Variants in ATP10B observed in about 807,000 individuals in gnomAD.
ATP10B encodes the protein ATPase phospholipid transporting 10B (putative).
A neutral mutation model predicts 141.2 loss-of-function variants in ATP10B; 122 were observed. That is an observed-to-expected ratio of 0.86 (90% CI 0.75 to 1.00). The LOEUF is 1.00. Ranked by LOEUF, ATP10B falls within the 50% of genes least tolerant of loss-of-function variation. The pLI is 0.00. For missense variants in ATP10B, 1,876 were observed against 1,825.3 expected, an observed-to-expected ratio of 1.03 and a Z score of -0.51; for synonymous variants, 685 against 692.0, an observed-to-expected ratio of 0.99 and a Z score of 0.16.
At chr5:160,797,763 A>G (rs957112128) in intron 1 of ATP10B, among the ~76,000 whole-genome samples, 7 of 152,048 alleles carry the variant, frequency 4.6e-5, no homozygotes, top group Non-Finnish European at 1.0e-4. Context: ...AGAGAGAGAG[A>G]AAGCATTAAC....
intron 2 of ATP10B, among the ~76,000 whole-genome samples, chr5:160,770,592 G>C (rs964782116): frequency 1.3e-5 from 2 of 152,068 alleles, no homozygotes; most frequent in Non-Finnish European, 2.9e-5. Context: ...TTTAAAAGTG[G>C]CTTTTCACAT....
intron 1 of ATP10B, among the ~76,000 whole-genome samples, chr5:160,837,622 T>G (rs1561911165): frequency 3.7e-5 from 2 of 54,312 alleles, no homozygotes; most frequent in African/African-American, 8.2e-5. Context: ...AAAATATCAT[T>G]TGTTGTAGTT....
chr5:160,737,864 A>G (rs987940069), intron 2 of ATP10B, among the ~76,000 whole-genome samples: 1 of 152,194 alleles, frequency 6.6e-6, no homozygotes, highest in Non-Finnish European at 1.5e-5. Flanking sequence ...TCCCAGAATT[A>G]TAGTTGGATA....
chr5:160,672,104 G>A (rs1762747070), intron 6 of ATP10B, among the ~76,000 whole-genome samples: 1 of 149,924 alleles, frequency 6.7e-6, no homozygotes. Flanking sequence ...AGCCTCCTGA[G>A]TAGCTGGGAT....
the ATP10B span, among the ~76,000 whole-genome samples, chr5:160,881,601 A>T: frequency 3.3e-5 from 5 of 152,112 alleles, no homozygotes; most frequent in Non-Finnish European, 7.4e-5. Flanking sequence ...TCACGAGGTC[A>T]GGAGATCTAG....
intron 1 of ATP10B, among the ~76,000 whole-genome samples, chr5:160,818,992 C>A (rs942758269): frequency 4.6e-5 from 7 of 151,966 alleles, no homozygotes; most frequent in Admixed American, 4.6e-4. Flanking sequence ...CACACCAGGG[C>A]CTGTTGCTGG....
At chr5:160,768,066 A>G (rs1486168833) in intron 2 of ATP10B, among the ~76,000 whole-genome samples, 1 of 152,000 alleles carries the variant, frequency 6.6e-6, no homozygotes, top group Non-Finnish European at 1.5e-5. Flanking sequence ...CTCCTTCCCG[A>G]GGTAGGTAGT....
chr5:160,761,407 TTCGCCAGCACCAGCCTAC>T (rs1261576964), intron 2 of ATP10B, among the ~76,000 whole-genome samples: 1 of 151,710 alleles, frequency 6.6e-6, no homozygotes, highest in African/African-American at 2.4e-5. Context: ...CCAGCCTACA[TTCGCCAGCACCAGCCTAC>T]ATTCCCCAGC....
At chr5:160,828,564 C>T (rs1203344618) in intron 1 of ATP10B, among the ~76,000 whole-genome samples, 14 of 151,640 alleles carry the variant, frequency 9.2e-5, no homozygotes, top group Admixed American at 6.6e-5. Flanking sequence ...ACAACAGGTG[C>T]TGGAGAGGAT....
At chr5:160,690,422 C>T (rs1305397397) in intron 3 of ATP10B, among the ~76,000 whole-genome samples, 5 of 152,128 alleles carry the variant, frequency 3.3e-5, no homozygotes, top group South Asian at 4.1e-4. Flanking sequence ...AACAGGAAAC[C>T]TACAGAATGG....
chr5:160,599,334 C>A (rs1024997241), intron 21 of ATP10B, among the ~76,000 whole-genome samples: 1 of 152,102 alleles, frequency 6.6e-6, no homozygotes, highest in Non-Finnish European at 1.5e-5. Context: ...TTTCTAGGAA[C>A]CTATTGAGGA....
At chr5:160,697,695 A>G (rs1764452983) in intron 3 of ATP10B, among the ~76,000 whole-genome samples, 1 of 152,162 alleles carries the variant, frequency 6.6e-6, no homozygotes, top group Admixed American at 6.6e-5. Context: ...CTAAAATAAA[A>G]TTAATGAAAG....
At chr5:160,610,968 G>T (rs572840078) in intron 18 of ATP10B, among the ~76,000 whole-genome samples, 1 of 152,216 alleles carries the variant, frequency 6.6e-6, no homozygotes, top group African/African-American at 2.4e-5. Flanking sequence ...AGTGAATTAG[G>T]CAAATTAAAA....
chr5:160,633,416 C>G (rs539066663), intron 12 of ATP10B: 7 of 152,132 alleles, frequency 4.6e-5, no homozygotes, highest in Non-Finnish European at 8.8e-5. Flanking sequence ...TGCAGGGACA[C>G]AGATGAACAG....
chr5:160,921,398 G>T, the ATP10B span, among the ~76,000 whole-genome samples: 1 of 151,544 alleles, frequency 6.6e-6, no homozygotes, highest in African/African-American at 2.4e-5. Flanking sequence ...ATTTTTAAGT[G>T]TACAGTTTGT....
chr5:160,660,835 T>C (rs1044980166), intron 7 of ATP10B, among the ~76,000 whole-genome samples: 9 of 152,120 alleles, frequency 5.9e-5, no homozygotes, highest in Non-Finnish European at 1.3e-4. Flanking sequence ...TGTAAAAGTA[T>C]AGCGGTCAGA....
At position 160,749,952 on chromosome 5, in the gene ATP10B, C is replaced by T. The variant is rs573342688; in HGVS notation, c.-330-32918G>A. ...CGAATGAGAATGTTGAACTCCACAA[C>T]AGCTAAGTTCCTGGTGCGATTACCA... On this transcript the variant is annotated intron_variant, in intron 2 of 25. Coordinates refer to ENST00000327245, the MANE Select transcript of ATP10B (RefSeq NM_025153.3). 2.0e-5 allele frequency among the ~76,000 whole-genome samples: 3 copies of T among 152,302 alleles called. 1 individual carries two copies. The highest frequency in any genetic ancestry group is 4.2e-4 in the South Asian group (2 of 4,816).
At chr5:160,917,448 G>A in the ATP10B span, among the ~76,000 whole-genome samples, 63 of 152,186 alleles carry the variant, frequency 4.1e-4, no homozygotes, top group South Asian at 6.4e-3. Context: ...GCAACAGAAG[G>A]CTTTCTAGGA....
rs907384521 is a variant in ATP10B, at chr5:160,772,983, TCTG to T, written c.-331+12573_-331+12575del. Among the ~76,000 whole-genome samples the T allele has an allele frequency of 6.0e-4, 91 of 152,252 alleles. 1 individual carries two copies. Among genetic ancestry groups the T allele is most frequent in the South Asian group, 1.9e-3 (9 of 4,824 alleles). ...TAAGACAACCAACCACGAAAACTATTCTGCTAATTTTTAGAATTTTGTTGTGCT... is the reference window on the plus strand; with the variant it reads ...TAAGACAACCAACCACGAAAACTATTCTAATTTTTAGAATTTTGTTGTGCT... On this transcript the variant is annotated intron_variant, in intron 2 of 25. Coordinates refer to ENST00000327245, the MANE Select transcript of ATP10B (RefSeq NM_025153.3).
Sources: gnomAD v4.1 joint callset for allele counts (sites outside exome capture counted in the v4.1 genomes callset) on GRCh38, gnomAD v4.1.1 for gene constraint, MANE v1.5 for transcripts, NCBI Gene and HGNC (gene_info 2026-07-23, HGNC 2026-07-21) for gene names.